Variants in MAP3K13 observed in about 807,000 individuals in gnomAD.
MAP3K13 encodes mitogen-activated protein kinase kinase kinase 13.
Under a neutral mutation model 104.0 loss-of-function variants are expected in MAP3K13, and 52 were observed. That is an observed-to-expected ratio of 0.50 (90% CI 0.40 to 0.63). MAP3K13 has a LOEUF of 0.63. MAP3K13 is among the 20% of genes least tolerant of loss of function. MAP3K13 has a pLI of 0.00. For synonymous variants in MAP3K13, 394 were observed against 442.2 expected, an observed-to-expected ratio of 0.89 and a Z score of 1.37; for missense variants, 914 against 1,218.5, an observed-to-expected ratio of 0.75 and a Z score of 3.72.
intron 2 of MAP3K13, among the ~76,000 whole-genome samples, chr3:185,333,665 C>T (rs755476260): frequency 5.3e-5 from 8 of 151,868 alleles, no homozygotes; most frequent in Non-Finnish European, 1.0e-4. Flanking sequence ...AGGCTGAGCC[C>T]GGAGGATCAC....
chr3:185,322,952 G>T (rs1028850796), intron 2 of MAP3K13, among the ~76,000 whole-genome samples: 3 of 151,978 alleles, frequency 2.0e-5, no homozygotes, highest in African/African-American at 7.3e-5. Context: ...TTCCACAGTT[G>T]CCCATCTGAC....
intron 3 of MAP3K13, among the ~76,000 whole-genome samples, chr3:185,441,898 G>A (rs1163602045): frequency 6.6e-6 from 1 of 152,012 alleles, no homozygotes; most frequent in African/African-American, 2.4e-5. Flanking sequence ...AAAATTAGCT[G>A]GGTGTGGTGG....
At position 185,418,351 on chromosome 3, in the gene MAP3K13, C is replaced by T. The variant is rs1713916914; in HGVS notation, c.-85-10146C>T. 1.3e-6 allele frequency: 2 copies of T among 1,593,990 alleles called. No homozygotes were observed. Among genetic ancestry groups the T allele is most frequent in the African/African-American group, 2.7e-5 (2 of 74,616 alleles). Reference sequence around the variant, plus strand: ...AGGAAGTTCAGGAACTTCCTCAATACGATGACCTTTAGACATGACCAGTGC... The same window carrying T: ...AGGAAGTTCAGGAACTTCCTCAATATGATGACCTTTAGACATGACCAGTGC... On this transcript the variant is annotated intron_variant, in intron 1 of 13. Coordinates refer to ENST00000265026, the MANE Select transcript of MAP3K13 (RefSeq NM_004721.5). The surrounding 1 kb of genome is among the most constrained non-coding windows in gnomAD (Gnocchi z 4.5).
At chr3:185,317,281 A>G (rs1160172652) in intron 2 of MAP3K13, among the ~76,000 whole-genome samples, 2 of 152,142 alleles carry the variant, frequency 1.3e-5, no homozygotes, top group African/African-American at 4.8e-5. Flanking sequence ...CAAGGGTGAA[A>G]CTAGAGGTGT....
intron 2 of MAP3K13, among the ~76,000 whole-genome samples, chr3:185,326,757 T>C (rs1391036462): frequency 6.6e-6 from 1 of 152,122 alleles, no homozygotes; most frequent in Admixed American, 6.5e-5. Context: ...TGGTTTAATG[T>C]AGCTCATGGG....
At chr3:185,385,191 C>T (rs9849922) in intron 1 of MAP3K13, among the ~76,000 whole-genome samples, 14,564 of 152,120 alleles carry the variant, frequency 0.096, 865 homozygotes, top group East Asian at 0.16. Context: ...CACTCTGTCT[C>T]TCAGGCTGGA....
At chr3:185,324,167 C>T (rs903888302) in intron 2 of MAP3K13, among the ~76,000 whole-genome samples, 1 of 152,026 alleles carries the variant, frequency 6.6e-6, no homozygotes, top group Non-Finnish European at 1.5e-5. Flanking sequence ...CCCGCCACCA[C>T]GCCCGGCTAA....
intron 1 of MAP3K13, among the ~76,000 whole-genome samples, chr3:185,424,231 A>T (rs1469763702): frequency 6.6e-6 from 1 of 152,170 alleles, no homozygotes; most frequent in African/African-American, 2.4e-5. Flanking sequence ...TTCCATGAAA[A>T]ATAGGGATAA....
chr3:185,465,945 T>A, intron 9 of MAP3K13, 82 bp downstream of exon 9: 1 of 987,806 alleles, frequency 1.0e-6, no homozygotes, highest in Non-Finnish European at 1.6e-6. Context: ...ATGTTGCTGC[T>A]ACTCAGAACT....
At chr3:185,455,080 TGA>T (rs1458645079) in intron 7 of MAP3K13, among the ~76,000 whole-genome samples, 34 of 110,458 alleles carry the variant, frequency 3.1e-4, no homozygotes, top group African/African-American at 6.9e-4. Flanking sequence ...GAGATATATG[TGA>T]GATATATATA....
At chr3:185,352,022 C>T (rs1287387912) in intron 2 of MAP3K13, among the ~76,000 whole-genome samples, 1 of 152,152 alleles carries the variant, frequency 6.6e-6, no homozygotes, top group Non-Finnish European at 1.5e-5. Context: ...TAACAAGACC[C>T]GGAAGTTGCA....
intron 1 of MAP3K13, among the ~76,000 whole-genome samples, chr3:185,374,754 T>TC (rs200160049): frequency 2.7e-5 from 4 of 149,118 alleles, no homozygotes; most frequent in Admixed American, 1.4e-4. Flanking sequence ...AAACATAGAG[T>TC]CCCCCTTTTT....
In MAP3K13 at chr3:185,304,687, A is replaced by T. The variant is rs1461194119; in HGVS notation, c.-86+19044A>T. Among the ~76,000 whole-genome samples the T allele has an allele frequency of 2.6e-5, 4 of 152,072 alleles. No individual in the cohort carries two copies. In the East Asian group the frequency reaches 7.7e-4, roughly 29 times the overall value. The stretch of plus-strand genomic sequence containing the variant: ...CTCTCATTGTCACCCAGGCTGGAGT[A>T]CAGTGGCGCGATCTTGGCTCAGTGC... On this transcript the variant is annotated intron_variant, in intron 2 of 14. Transcript: ENST00000424227.
intron 1 of MAP3K13, chr3:185,417,482 C>A: frequency 1.3e-6 from 2 of 1,577,584 alleles, no homozygotes; most frequent in East Asian, 2.2e-5. Flanking sequence ...ATGGAATAAT[C>A]AAATTTAAGA....
intron 2 of MAP3K13, among the ~76,000 whole-genome samples, chr3:185,357,454 A>G (rs1360445899): frequency 2.0e-5 from 3 of 150,872 alleles, no homozygotes; most frequent in Non-Finnish European, 4.4e-5. Flanking sequence ...ATCTAAAAAA[A>G]AAAAAAAAAA....
intron 1 of MAP3K13, 41 bp from the exon 2 acceptor site, chr3:185,428,456 A>G (rs913967979): frequency 1.1e-4 from 140 of 1,313,444 alleles, no homozygotes; most frequent in Non-Finnish European, 1.3e-4. Context: ...TGTGCATACT[A>G]AAGAAAGGAT....
intron 2 of MAP3K13, among the ~76,000 whole-genome samples, chr3:185,289,195 A>G (rs984405774): frequency 6.6e-6 from 1 of 152,304 alleles, no homozygotes; most frequent in East Asian, 1.9e-4. Flanking sequence ...TTAGCAGTGA[A>G]GCAGACTGTG....
intron 2 of MAP3K13, among the ~76,000 whole-genome samples, chr3:185,350,111 T>G (rs1723082597): frequency 6.6e-6 from 1 of 152,252 alleles, no homozygotes; most frequent in South Asian, 2.1e-4. Context: ...AGAGCACTTA[T>G]GAATTGATCC....
chr3:185,393,675 G>T (rs1011607820), intron 1 of MAP3K13, among the ~76,000 whole-genome samples: 1 of 152,038 alleles, frequency 6.6e-6, no homozygotes, highest in Non-Finnish European at 1.5e-5. Context: ...AGCCAGGATG[G>T]TCTTGATCTC....
Sources: gnomAD v4.1 joint callset for allele counts (sites outside exome capture counted in the v4.1 genomes callset) on GRCh38, gnomAD v4.1.1 for gene constraint, Gnocchi (gnomAD v3.1) non-coding constraint, MANE v1.5 for transcripts, NCBI Gene and HGNC (gene_info 2026-07-23, HGNC 2026-07-21) for gene names.